The following PDCD7 variants were observed in gnomAD, a reference collection of about 807,000 sequenced individuals.
The protein encoded by PDCD7 is programmed cell death 7.
In PDCD7, 40 loss-of-function variants were observed where a neutral mutation model predicts 42.1. That is an observed-to-expected ratio of 0.95 (90% CI 0.74 to 1.24). The LOEUF (loss-of-function observed/expected upper bound fraction) is 1.24, where lower values mean the gene tolerates loss of function less well. Among genes scored for constraint, PDCD7 ranks in the 50% most tolerant of loss-of-function variants. PDCD7 has a pLI of 0.00. For missense variants in PDCD7, 644 were observed against 662.8 expected, an observed-to-expected ratio of 0.97 and a Z score of 0.31; for synonymous variants, 299 against 303.3, an observed-to-expected ratio of 0.99 and a Z score of 0.15.
At chr15:65,124,378 T>C (rs2087479898) in intron 2 of PDCD7, among the ~76,000 whole-genome samples, 2 of 150,980 alleles carry the variant, frequency 1.3e-5, no homozygotes, top group Admixed American at 1.3e-4. Context: ...TGAGCCGAGA[T>C]TGCACCACTG....
chr15:65,132,945 C>A lies in PDCD7; in HGVS notation c.837G>T (p.Val279=), dbSNP rs1181950409. Residue 279 remains valine (V), a synonymous_variant, in exon 1 of 5, where the codon GTG becomes GTT. Transcript: ENST00000204549. ...EREQEIDRWR[V]KCVQEVEEKK... ...TCTCCTCCACCTCCTGCACACACTT[C>A]ACCCTCCAGCGGTCAATCTCCTGCT... The A allele has an allele frequency of 2.5e-6, 4 of 1,606,116 alleles. No homozygotes were observed. Among genetic ancestry groups the A allele is most frequent in the Middle Eastern group, 1.7e-4 (1 of 6,060 alleles).
intron 2 of PDCD7, among the ~76,000 whole-genome samples, chr15:65,121,673 T>A (rs1185781422): frequency 6.6e-6 from 1 of 152,228 alleles, no homozygotes; most frequent in African/African-American, 2.4e-5. Context: ...TATCCTGATT[T>A]AACTATGAGG....
rs1415180351 is a variant in PDCD7 at position 65,133,122 on chromosome 15, G to A, written c.660C>T (p.Ala220=). Residue 220 remains alanine (A), a synonymous_variant, in exon 1 of 5, where the codon GCC becomes GCT. Transcript: ENST00000204549. Reference sequence around the variant, plus strand: ...CCTGGGTCAACGGCTGTAGCCGCTCGGCCAGTTCCGCGCGCAGCGGCGCGG... The same window carrying A: ...CCTGGGTCAACGGCTGTAGCCGCTCAGCCAGTTCCGCGCGCAGCGGCGCGG... ...SQTAPLRAEL[A]ERLQPLTQAA... 3.2e-6 allele frequency: 5 copies of A among 1,541,906 alleles called. No individual in the cohort carries two copies. Among genetic ancestry groups the A allele is most frequent in the East Asian group, 2.4e-5 (1 of 41,142 alleles).
At chr15:65,132,887 C>T in intron 1 of PDCD7, 25 bp downstream of exon 1, 1 of 1,600,438 alleles carries the variant, frequency 6.2e-7, no homozygotes, top group Non-Finnish European at 8.5e-7. Context: ...CCACTCCTAC[C>T]CCCATGAGCG....
chr15:65,125,168 C>T (rs2140581816), intron 2 of PDCD7, among the ~76,000 whole-genome samples: 1 of 152,288 alleles, frequency 6.6e-6, no homozygotes. Context: ...CCTTCATTTT[C>T]ATGCTTGTGT....
intron 1 of PDCD7, among the ~76,000 whole-genome samples, chr15:65,130,085 C>T (rs917480867): frequency 1.3e-5 from 2 of 150,908 alleles, no homozygotes; most frequent in African/African-American, 4.9e-5. Flanking sequence ...CTCAAGTAAT[C>T]TGCCTGCCTC....
At chr15:65,126,749 G>C (rs1310406417) in intron 2 of PDCD7, among the ~76,000 whole-genome samples, 1 of 138,344 alleles carries the variant, frequency 7.2e-6, no homozygotes, top group Non-Finnish European at 1.5e-5. Flanking sequence ...GCAAGACCCT[G>C]TCTTTTAAAA....
chr15:65,133,429 C>T lies in PDCD7; in HGVS notation c.353G>A (p.Trp118Ter). The T allele has an allele frequency of 1.4e-5, 16 of 1,184,750 alleles. No homozygotes were observed. Among genetic ancestry groups the T allele is most frequent in the Non-Finnish European group, 1.6e-5 (15 of 957,832 alleles). 73.4% of individuals were successfully genotyped at this position (1,184,750 alleles called of 1,614,324 possible). A position where few individuals can be genotyped will look rare whatever the true frequency, so the allele number is the denominator to read the frequency against. The change falls in exon 1 of 5, where the codon TGG becomes TAG. Residue 118 changes from tryptophan to a stop codon, truncating the protein, a stop_gained. Transcript: ENST00000204549. LOFTEE classifies it high-confidence loss of function. ...CGGCGCCTCAGGCCACCGCGGGCTC[C>T]AGGGCGGCCCCGGGCCGGGAGGCGG... ...RPPPPGPGPP[W>*]SPRWPEAPPP...
chr15:65,126,544 A>C (rs1418419263), intron 2 of PDCD7, among the ~76,000 whole-genome samples: 1 of 152,142 alleles, frequency 6.6e-6, no homozygotes. Flanking sequence ...GCTTGAGCCC[A>C]GGAGTTCGAG....
intron 2 of PDCD7, 91 bp from the exon 3 acceptor site, chr15:65,120,045 A>T: frequency 7.4e-7 from 1 of 1,358,434 alleles, no homozygotes; most frequent in Non-Finnish European, 1.0e-6. Context: ...CAGTGGTGTG[A>T]TCATAGCTCA....
At chr15:65,121,254 T>A (rs1271647718) in intron 2 of PDCD7, among the ~76,000 whole-genome samples, 2 of 152,006 alleles carry the variant, frequency 1.3e-5, no homozygotes, top group African/African-American at 4.8e-5. Flanking sequence ...TGTTTCTCCA[T>A]GTTGGTCAGG....
At chr15:65,132,171 A>G (rs974718274) in intron 1 of PDCD7, among the ~76,000 whole-genome samples, 14 of 150,536 alleles carry the variant, frequency 9.3e-5, no homozygotes, top group African/African-American at 3.4e-4. Flanking sequence ...ACCATTGCTG[A>G]ACCTGGGGAT....
At chr15:65,131,639 C>T (rs981505792) in intron 1 of PDCD7, among the ~76,000 whole-genome samples, 7 of 152,072 alleles carry the variant, frequency 4.6e-5, no homozygotes, top group African/African-American at 1.7e-4. Context: ...ATCCCTGCTA[C>T]TCGGGAGGCT....
Position 65,117,481 on chromosome 15 carries a change from T to C in PDCD7, c.*1236A>G, listed in dbSNP as rs1057098105. On this transcript the variant is annotated 3_prime_UTR_variant, in exon 5 of 5. Transcript: ENST00000204549. ...CCAAAAAAATGACATGTTATATGAG[T>C]GATCATCTCCAAGCACAACAGCATT... 6.6e-6 allele frequency: 1 copy of C among 151,804 alleles called. No homozygotes were observed. The highest frequency in any genetic ancestry group is 1.5e-5 in the Non-Finnish European group (1 of 67,914). 9.4% of individuals were successfully genotyped at this position (151,804 alleles called of 1,614,324 possible). A position where few individuals can be genotyped will look rare whatever the true frequency, so the allele number is the denominator to read the frequency against.
At chr15:65,129,193 G>A (rs1457254526) in intron 1 of PDCD7, 23 bp from the exon 2 acceptor site, 1 of 1,612,436 alleles carries the variant, frequency 6.2e-7, no homozygotes, top group Middle Eastern at 1.7e-4. Flanking sequence ...CAAAGCCCAT[G>A]AGACCTCGTA....
intron 1 of PDCD7, among the ~76,000 whole-genome samples, chr15:65,130,426 G>T (rs2087530562): frequency 6.6e-6 from 1 of 151,906 alleles, no homozygotes; most frequent in South Asian, 2.1e-4. Flanking sequence ...TCAAAGTGTT[G>T]GGATTACAGG....
chr15:65,133,259 G>T lies in PDCD7; in HGVS notation c.523C>A (p.Arg175Ser). ...CGCAGAGCCCGGAGCAATCGCGCGC[G>T]CACTTCGCCAAGGCTGGGCCCGGCA... ...THAGPSLGEV[R>S]ARLLRALRLV... is the part of the protein sequence containing the mutation. The change falls in exon 1 of 5, where the codon CGC becomes AGC. Residue 175 changes from arginine (R) to serine (S), a missense_variant. Physicochemically the swap from Arg to Ser is moderately radical, Grantham distance 110. Coordinates refer to ENST00000204549, the MANE Select transcript of PDCD7 (RefSeq NM_005707.2). The T allele has an allele frequency of 7.5e-7, 1 of 1,340,346 alleles. No homozygotes were observed. Among genetic ancestry groups the T allele is most frequent in the Non-Finnish European group, 9.5e-7 (1 of 1,053,304 alleles). 83.0% of individuals were successfully genotyped at this position (1,340,346 alleles called of 1,614,324 possible).
At position 65,132,976 on chromosome 15, in the gene PDCD7, T is replaced by C. The variant is rs1299038031; in HGVS notation, c.806A>G (p.Glu269Gly). The C allele has an allele frequency of 2.2e-5, 36 of 1,605,898 alleles. No individual in the cohort carries two copies. The highest frequency in any genetic ancestry group is 2.6e-5 in the Non-Finnish European group (31 of 1,179,816). Residue 269 changes from glutamate (E) to glycine (G), a missense_variant, in exon 1 of 5, where the codon GAA becomes GGA. Transcript: ENST00000204549. ...EREAEAARAV[E>G]REQEIDRWRV... ...CCAGCGGTCAATCTCCTGCTCGCGT[T>C]CCACTGCCCGCGCGGCCTCTGCCTC...
In PDCD7 at chr15:65,132,871, C is replaced by T. The variant is rs769923146; in HGVS notation, c.870+41G>A. On this transcript the variant is annotated intron_variant, in intron 1 of 4. Transcript: ENST00000204549. ...AGCCTCCTGCTGCTCCAGGTTCCAA[C>T]CACCACCACTCCTACCCCCATGAGC... 83 of 1,594,412 alleles carry T rather than the reference C, an allele frequency of 5.2e-5. 1 individual carries two copies. The South Asian group carries it at 8.7e-4, about 17-fold the overall frequency.
Sources: allele counts gnomAD v4.1 joint callset (sites outside exome capture counted in the v4.1 genomes callset), GRCh38; gene constraint gnomAD v4.1.1; transcripts MANE v1.5; gene names NCBI Gene and HGNC (gene_info 2026-07-23, HGNC 2026-07-21).